The following CHCHD6 variants were observed in gnomAD, a reference collection of about 807,000 sequenced individuals.
CHCHD6 encodes the protein MICOS complex subunit MIC25.
In CHCHD6, 28 loss-of-function variants were observed where a neutral mutation model predicts 32.3. That is an observed-to-expected ratio of 0.87 (90% CI 0.64 to 1.19). CHCHD6 has a LOEUF of 1.19. Ranked by LOEUF, CHCHD6 falls within the 50% of genes most tolerant of loss-of-function variation. The pLI is 0.00. For synonymous variants in CHCHD6, 122 were observed against 117.5 expected (o/e 1.04, Z -0.25); for missense variants, 333 against 307.0 (o/e 1.08, Z -0.63).
intron 6 of CHCHD6, among the ~76,000 whole-genome samples, chr3:126,942,887 C>A (rs765571210): frequency 6.6e-6 from 1 of 152,176 alleles, no homozygotes; most frequent in Non-Finnish European, 1.5e-5. Flanking sequence ...ATCCACAGTG[C>A]ATGCGTGAGG....
chr3:126,751,124 GC>G (rs985224411), intron 4 of CHCHD6, among the ~76,000 whole-genome samples: 12 of 151,564 alleles, frequency 7.9e-5, no homozygotes, highest in African/African-American at 2.4e-5. Context: ...TTCAGGCCTT[GC>G]CGGGCCTCTG....
chr3:126,730,706 C>A, intron 3 of CHCHD6, 76 bp downstream of exon 3: 1 of 1,259,186 alleles, frequency 7.9e-7, no homozygotes, highest in Non-Finnish European at 1.1e-6. Context: ...TACCCCTCTC[C>A]TTGCCTGAAG....
rs575010659 is a variant in CHCHD6, at chr3:126,898,263, T to A, written c.496-16417T>A. ...AACATTAAAACTTGGGAAAGTTTGT[T>A]TTGTTTTGCTATTTGCTTGCCCCTC... On this transcript the variant is annotated intron_variant, in intron 5 of 7. Transcript: ENST00000290913. 9.2e-5 allele frequency among the ~76,000 whole-genome samples: 14 copies of A among 152,356 alleles called. No individual in the cohort carries two copies. The East Asian group carries it at 2.7e-3, about 29-fold the overall frequency.
intron 4 of CHCHD6, among the ~76,000 whole-genome samples, chr3:126,810,354 G>A (rs1264542384): frequency 6.6e-6 from 1 of 152,200 alleles, no homozygotes; most frequent in Admixed American, 6.5e-5. Context: ...ACCTGTCATA[G>A]TGGGAAGTCA....
intron 7 of CHCHD6, among the ~76,000 whole-genome samples, chr3:126,958,131 C>T (rs1377230517): frequency 6.6e-6 from 1 of 151,696 alleles, no homozygotes; most frequent in African/African-American, 2.4e-5. Context: ...CTGTGATGCG[C>T]TCCCAGCCAG....
chr3:126,730,588 G>T lies in CHCHD6; in HGVS notation c.224G>T (p.Ser75Ile). 2 of 1,613,900 alleles carry T rather than the reference G, an allele frequency of 1.2e-6. No homozygotes were observed. The highest frequency in any genetic ancestry group is 2.2e-5 in the South Asian group (2 of 91,046). Residue 75 changes from serine (S) to isoleucine (I), a missense_variant, in exon 3 of 8, where the codon AGT (serine) becomes ATT (isoleucine). Ser to Ile is a moderately radical substitution (Grantham distance 142, BLOSUM62 -2). Coordinates refer to ENST00000290913, the MANE Select transcript of CHCHD6 (RefSeq NM_032343.3). ...TCCACACTGCCCAGGTCGGGGAGCA[G>T]TGGTGGCCAGCAGCCCTCAGGGATG... ...KESTLPRSGS[S>I]GGQQPSGMKE...
At chr3:126,784,649 CT>C (rs1311765875) in intron 4 of CHCHD6, among the ~76,000 whole-genome samples, 2 of 152,176 alleles carry the variant, frequency 1.3e-5, no homozygotes, top group African/African-American at 4.8e-5. Context: ...CTTTTCACAC[CT>C]TTCCCTGTTC....
intron 7 of CHCHD6, among the ~76,000 whole-genome samples, chr3:126,959,868 A>G (rs2078835232): frequency 6.6e-6 from 1 of 152,206 alleles, no homozygotes; most frequent in Non-Finnish European, 1.5e-5. Flanking sequence ...TTCTATATCC[A>G]GGGTGCTTGT....
chr3:126,799,456 T>C (rs939594560), intron 4 of CHCHD6, among the ~76,000 whole-genome samples: 1 of 152,240 alleles, frequency 6.6e-6, no homozygotes, highest in Middle Eastern at 3.2e-3. Flanking sequence ...AGTCATTTAT[T>C]TTCAGAGTAC....
chr3:126,779,173 T>C (rs1314586639), intron 4 of CHCHD6, among the ~76,000 whole-genome samples: 1 of 152,170 alleles, frequency 6.6e-6, no homozygotes, highest in Non-Finnish European at 1.5e-5. Context: ...CTGGTACTTT[T>C]ATTGTCACCT....
intron 6 of CHCHD6, among the ~76,000 whole-genome samples, chr3:126,931,897 C>T (rs1317109257): frequency 6.6e-6 from 1 of 152,166 alleles, no homozygotes; most frequent in Non-Finnish European, 1.5e-5. Context: ...CCGCCTGGGA[C>T]GGGGAGCCCT....
At chr3:126,897,107 A>T (rs1411761075) in intron 5 of CHCHD6, among the ~76,000 whole-genome samples, 1 of 152,116 alleles carries the variant, frequency 6.6e-6, no homozygotes, top group Non-Finnish European at 1.5e-5. Flanking sequence ...TGGGGCCCTG[A>T]TGTGTGGCCC....
intron 4 of CHCHD6, among the ~76,000 whole-genome samples, chr3:126,745,526 C>G (rs1287741493): frequency 3.3e-5 from 5 of 152,192 alleles, no homozygotes; most frequent in Non-Finnish European, 7.3e-5. Context: ...AGAGGAGCTA[C>G]ACGGGTGACT....
At chr3:126,857,562 C>T (rs983257738) in intron 5 of CHCHD6, among the ~76,000 whole-genome samples, 20 of 152,284 alleles carry the variant, frequency 1.3e-4, no homozygotes, top group African/African-American at 4.3e-4. Flanking sequence ...GCTCAACAGA[C>T]GTCCCTATCC....
At chr3:126,906,502 G>A (rs962959034) in intron 5 of CHCHD6, among the ~76,000 whole-genome samples, 9 of 152,196 alleles carry the variant, frequency 5.9e-5, no homozygotes, top group Non-Finnish European at 1.3e-4. Flanking sequence ...AACACCTTCC[G>A]ACAGCGCTCA....
chr3:126,841,885 G>C (rs1339681084), intron 4 of CHCHD6, among the ~76,000 whole-genome samples: 6 of 152,064 alleles, frequency 3.9e-5, no homozygotes, highest in Non-Finnish European at 4.4e-5. Flanking sequence ...CTAAACTTCA[G>C]CCTGGGTGAA....
Position 126,704,855 on chromosome 3 carries a change from A to G in CHCHD6, c.87+456A>G, listed in dbSNP as rs148364428. ...ACATCTGCGGGGCGCAGGAAGAACCATAGCTCAGATCTGATCCCCTTCCTT... is the reference window on the plus strand; with the variant it reads ...ACATCTGCGGGGCGCAGGAAGAACCGTAGCTCAGATCTGATCCCCTTCCTT... On this transcript the variant is annotated intron_variant, in intron 1 of 7. Coordinates refer to ENST00000290913, the MANE Select transcript of CHCHD6 (RefSeq NM_032343.3). 1.7e-3 allele frequency among the ~76,000 whole-genome samples: 263 copies of G among 152,280 alleles called. 2 individuals carry two copies. Among genetic ancestry groups the G allele is most frequent in the Middle Eastern group, 0.017 (5 of 294 alleles).
At chr3:126,764,654 C>T (rs775061998) in intron 4 of CHCHD6, among the ~76,000 whole-genome samples, 5 of 152,154 alleles carry the variant, frequency 3.3e-5, no homozygotes, top group Non-Finnish European at 5.9e-5. Context: ...GCTAGGACTT[C>T]GGGTGCTGCG....
intron 4 of CHCHD6, among the ~76,000 whole-genome samples, chr3:126,832,178 G>C (rs1940672910): frequency 6.6e-6 from 1 of 152,168 alleles, no homozygotes; most frequent in Admixed American, 6.5e-5. Flanking sequence ...CACACACTTA[G>C]CAAGGTTCAG....
Sources: allele counts gnomAD v4.1 joint callset (sites outside exome capture counted in the v4.1 genomes callset), GRCh38; gene constraint gnomAD v4.1.1; transcripts MANE v1.5; gene names NCBI Gene and HGNC (gene_info 2026-07-23, HGNC 2026-07-21).